Variants in SYT1 observed in about 807,000 individuals in gnomAD.
The protein encoded by SYT1 is synaptotagmin 1.
Under a neutral mutation model 44.8 loss-of-function variants are expected in SYT1, and 8 were observed. The observed-to-expected ratio is 0.18, with a 90% CI of 0.10 to 0.32. The LOEUF (loss-of-function observed/expected upper bound fraction) is 0.32, where lower values mean the gene tolerates loss of function less well. Ranked by LOEUF, SYT1 falls within the 10% of genes least tolerant of loss-of-function variation. The pLI is 1.00. For missense variants in SYT1, 286 were observed against 509.3 expected (o/e 0.56, Z 4.22); for synonymous variants, 154 against 188.8 (o/e 0.82, Z 1.51).
At chr12:78,900,791 A>C (rs1459985078) in intron 1 of SYT1, among the ~76,000 whole-genome samples, 2 of 152,152 alleles carry the variant, frequency 1.3e-5, no homozygotes, top group Non-Finnish European at 2.9e-5. Flanking sequence ...GTGGAACAAT[A>C]GCTGTTCTAT....
At chr12:79,061,667 G>T (rs1298424924) in intron 3 of SYT1, among the ~76,000 whole-genome samples, 1 of 152,138 alleles carries the variant, frequency 6.6e-6, no homozygotes, top group Admixed American at 6.6e-5. Context: ...GATGCCAGCA[G>T]GTAGACATAG....
At chr12:78,973,921 AAAAAAAAAAAAAAAAAAATATAT>A (rs1469706000) in intron 1 of SYT1, among the ~76,000 whole-genome samples, 3 of 19,724 alleles carry the variant, frequency 1.5e-4, no homozygotes, top group African/African-American at 7.9e-4. Flanking sequence ...AACACCAAAA[AAAAAAAAAAAAAAAAAAATATAT>A]ATATATATAT....
At chr12:79,019,614 G>T (rs568099138) in intron 2 of SYT1, among the ~76,000 whole-genome samples, 1 of 152,062 alleles carries the variant, frequency 6.6e-6, no homozygotes, top group African/African-American at 2.4e-5. Flanking sequence ...TTGGTACTAT[G>T]TTGGTTACTT....
At chr12:79,036,443 T>A (rs1873139478) in intron 2 of SYT1, 1 of 151,828 alleles carries the variant, frequency 6.6e-6, no homozygotes, top group South Asian at 2.1e-4. Flanking sequence ...GTAGTCTCAA[T>A]TATATGACCC....
chr12:78,971,905 C>T (rs1388469353), intron 1 of SYT1, among the ~76,000 whole-genome samples: 1 of 151,924 alleles, frequency 6.6e-6, no homozygotes, highest in Non-Finnish European at 1.5e-5. Flanking sequence ...ATCATTGACC[C>T]CTTTTAAGGG....
chr12:79,301,729 C>T (rs1816634769), intron 8 of SYT1, among the ~76,000 whole-genome samples: 4 of 152,044 alleles, frequency 2.6e-5, no homozygotes, highest in Admixed American at 1.3e-4. Context: ...TCCTTTTTCT[C>T]ACCATTGCAC....
intron 9 of SYT1, among the ~76,000 whole-genome samples, chr12:79,399,799 C>G (rs569760574): frequency 6.6e-6 from 1 of 152,194 alleles, no homozygotes; most frequent in Non-Finnish European, 1.5e-5. Context: ...CCATTTCTAA[C>G]AAGTCCCCAG....
At chr12:79,379,473 C>CA (rs1884131635) in intron 9 of SYT1, among the ~76,000 whole-genome samples, 1 of 152,168 alleles carries the variant, frequency 6.6e-6, no homozygotes, top group African/African-American at 2.4e-5. Flanking sequence ...TTTAAAATCT[C>CA]AAAGAGCAGT....
intron 3 of SYT1, among the ~76,000 whole-genome samples, chr12:79,216,275 G>A (rs770327259): frequency 2.9e-4 from 44 of 152,024 alleles, no homozygotes; most frequent in Non-Finnish European, 5.4e-4. Context: ...TTATCTCCAC[G>A]TCTTTGCAAA....
At chr12:79,261,462 C>G (rs1212430920) in intron 4 of SYT1, among the ~76,000 whole-genome samples, 1 of 152,110 alleles carries the variant, frequency 6.6e-6, no homozygotes, top group Non-Finnish European at 1.5e-5. Flanking sequence ...GTATTTCTTC[C>G]AAATTGTAGA....
At chr12:78,987,974 A>G (rs1869766339) in intron 2 of SYT1, among the ~76,000 whole-genome samples, 1 of 152,096 alleles carries the variant, frequency 6.6e-6, no homozygotes, top group Admixed American at 6.6e-5. Flanking sequence ...GTGAAAAGGT[A>G]ATGGAACTGT....
rs1012597888 is a variant in SYT1 at position 79,064,932 on chromosome 12, G to T, written c.-18+17570G>T. Among the ~76,000 whole-genome samples the T allele has an allele frequency of 5.3e-3, 389 of 73,144 alleles. 15 individuals carry two copies. Among genetic ancestry groups the T allele is most frequent in the Admixed American group, 0.048 (361 of 7,476 alleles). The allele number at this position is 73,144 out of a possible 152,430, so 48.0% of individuals were successfully genotyped here. ...CTTTAGACAAAAAAATAGAGAGAAA[G>T]AAAGAAAGAAAGAAAGAAAGAAAGA... On this transcript the variant is annotated intron_variant, in intron 3 of 10. Transcript: ENST00000261205.
intron 9 of SYT1, among the ~76,000 whole-genome samples, chr12:79,374,148 C>T (rs1036318275): frequency 6.6e-6 from 1 of 152,130 alleles, no homozygotes; most frequent in African/African-American, 2.4e-5. Flanking sequence ...ACAGGGGCAC[C>T]TCTGTGATAC....
intron 9 of SYT1, among the ~76,000 whole-genome samples, chr12:79,368,141 C>T (rs752840025): frequency 1.3e-4 from 19 of 149,726 alleles, no homozygotes; most frequent in East Asian, 2.0e-4. Flanking sequence ...AGTGAGAACA[C>T]GCGGTGTTTG....
intron 1 of SYT1, among the ~76,000 whole-genome samples, chr12:78,928,799 A>C (rs2137191185): frequency 6.6e-6 from 1 of 152,310 alleles, no homozygotes; most frequent in African/African-American, 2.4e-5. Flanking sequence ...CTGAAAACTT[A>C]TGAGCTGTTT....
intron 2 of SYT1, among the ~76,000 whole-genome samples, chr12:78,999,312 T>C (rs1335330328): frequency 1.3e-5 from 2 of 152,200 alleles, no homozygotes; most frequent in Non-Finnish European, 2.9e-5. Flanking sequence ...GTGTTATTTG[T>C]CAAGAAGATT....
chr12:79,115,621 C>T (rs1879235589), intron 3 of SYT1, among the ~76,000 whole-genome samples: 1 of 152,184 alleles, frequency 6.6e-6, no homozygotes, highest in Non-Finnish European at 1.5e-5. Context: ...GTAACCTTGC[C>T]TCTGCACAAA....
In SYT1 at chr12:79,026,327, A is replaced by G. The variant is rs372499434; in HGVS notation, c.-83-20970A>G. On this transcript the variant is annotated intron_variant, in intron 2 of 10. Coordinates refer to ENST00000261205, the MANE Select transcript of SYT1 (RefSeq NM_005639.3). The stretch of plus-strand genomic sequence containing the variant: ...TTGATGAAGGAGGAGTGCATGTCCT[A>G]GTTATAGAAATGAGGAAGTAAAGAT... Among the ~76,000 whole-genome samples the G allele has an allele frequency of 2.9e-3, 434 of 151,570 alleles. 7 individuals carry two copies. The highest frequency in any genetic ancestry group is 4.6e-4 in the Non-Finnish European group (31 of 67,664).
At chr12:79,439,272 T>C (rs548891551) in intron 9 of SYT1, among the ~76,000 whole-genome samples, 1 of 152,310 alleles carries the variant, frequency 6.6e-6, no homozygotes, top group East Asian at 1.9e-4. Context: ...CTGTGTGTAA[T>C]TTGATCTATT....
Sources: allele counts gnomAD v4.1 joint callset (sites outside exome capture counted in the v4.1 genomes callset), GRCh38; gene constraint gnomAD v4.1.1; transcripts MANE v1.5; gene names NCBI Gene and HGNC (gene_info 2026-07-23, HGNC 2026-07-21).